GSG1L: variants seen among roughly 807,000 people sequenced by gnomAD.
GSG1L encodes germ cell-specific gene 1-like protein.
A neutral mutation model predicts 42.1 loss-of-function variants in GSG1L; 24 were observed. That is an observed-to-expected ratio of 0.57 (90% CI 0.41 to 0.80). The LOEUF (loss-of-function observed/expected upper bound fraction) is 0.80, where lower values mean the gene tolerates loss of function less well. Among genes scored for constraint, GSG1L ranks in the 30% least tolerant of loss-of-function variants. GSG1L has a pLI of 0.00. For missense variants in GSG1L, 445 were observed against 472.2 expected, an observed-to-expected ratio of 0.94 and a Z score of 0.53; for synonymous variants, 215 against 203.5, an observed-to-expected ratio of 1.06 and a Z score of -0.48.
chr16:27,984,708 C>T (rs2085361267), intron 1 of GSG1L, among the ~76,000 whole-genome samples: 1 of 151,590 alleles, frequency 6.6e-6, no homozygotes, highest in South Asian at 2.1e-4. Flanking sequence ...TACATTTGAT[C>T]CCTCTGTTTG....
chr16:27,839,343 C>A (rs965344463), intron 4 of GSG1L, among the ~76,000 whole-genome samples: 1 of 152,240 alleles, frequency 6.6e-6, no homozygotes, highest in African/African-American at 2.4e-5. Flanking sequence ...AGCTTCCACA[C>A]CACGATGTCC....
chr16:27,981,072 A>C (rs2085321410), intron 1 of GSG1L, among the ~76,000 whole-genome samples: 1 of 152,128 alleles, frequency 6.6e-6, no homozygotes, highest in African/African-American at 2.4e-5. Context: ...TTAGCAGAGC[A>C]GGCAGGTCCT....
intron 3 of GSG1L, among the ~76,000 whole-genome samples, chr16:27,861,875 C>T (rs1056930910): frequency 1.3e-5 from 2 of 152,148 alleles, no homozygotes; most frequent in African/African-American, 2.4e-5. Context: ...GGCCATATTC[C>T]CTGGGCTTCA....
At chr16:27,801,887 T>G (rs2082886860) in intron 6 of GSG1L, among the ~76,000 whole-genome samples, 1 of 152,116 alleles carries the variant, frequency 6.6e-6, no homozygotes, top group Admixed American at 6.5e-5. Flanking sequence ...GTTAAATGAG[T>G]GAATAAGTGC....
At chr16:27,792,234 C>G (rs1362308249) in intron 6 of GSG1L, among the ~76,000 whole-genome samples, 1 of 152,188 alleles carries the variant, frequency 6.6e-6, no homozygotes, top group Non-Finnish European at 1.5e-5. Context: ...GGAACAAGAG[C>G]AGATGTCTCC....
intron 1 of GSG1L, among the ~76,000 whole-genome samples, chr16:27,965,242 C>A (rs747268350): frequency 3.3e-5 from 5 of 152,032 alleles, no homozygotes; most frequent in Non-Finnish European, 7.4e-5. Context: ...TGGTCTCGAA[C>A]TCCTGACCTC....
intron 5 of GSG1L, among the ~76,000 whole-genome samples, chr16:27,809,616 G>A (rs965513457): frequency 6.6e-6 from 1 of 151,290 alleles, no homozygotes; most frequent in Non-Finnish European, 1.5e-5. Flanking sequence ...CTCTCCTAAA[G>A]CACACAGTGG....
chr16:27,986,628 G>A (rs770004786), intron 1 of GSG1L, among the ~76,000 whole-genome samples: 2 of 152,170 alleles, frequency 1.3e-5, no homozygotes, highest in Non-Finnish European at 2.9e-5. Flanking sequence ...TTACTGGTGC[G>A]GGGTTACCCA....
chr16:27,969,374 T>C (rs1181929159), intron 1 of GSG1L, among the ~76,000 whole-genome samples: 3 of 151,992 alleles, frequency 2.0e-5, no homozygotes, highest in South Asian at 4.1e-4. Flanking sequence ...TCTTACAATA[T>C]TGTATGATTC....
At chr16:27,968,733 G>C (rs2085160755) in intron 1 of GSG1L, among the ~76,000 whole-genome samples, 1 of 152,168 alleles carries the variant, frequency 6.6e-6, no homozygotes, top group African/African-American at 2.4e-5. Context: ...TAATATTTAA[G>C]ATCTATGTGC....
chr16:27,803,356 G>A (rs1033176246), intron 6 of GSG1L, among the ~76,000 whole-genome samples: 43 of 152,184 alleles, frequency 2.8e-4, no homozygotes, highest in Admixed American at 1.2e-3. Flanking sequence ...TGGCCCAGGA[G>A]AGTTGCCTTC....
rs371059530 is a variant in GSG1L at position 27,867,818 on chromosome 16, T to C, written c.550+16668A>G. ...CCACGCCCCCTGAGGCCACGCCCCC[T>C]GAGGCCAGCCACTTCCTGGCCACGC... On this transcript the variant is annotated intron_variant, in intron 3 of 6. Transcript: ENST00000447459. 3.5e-3 allele frequency among the ~76,000 whole-genome samples: 512 copies of C among 146,322 alleles called. 2 individuals are homozygous for C. In the South Asian group the frequency reaches 0.04, roughly 12 times the overall value.
chr16:28,055,797 C>T (rs1468990216), intron 1 of GSG1L, among the ~76,000 whole-genome samples: 1 of 152,050 alleles, frequency 6.6e-6, no homozygotes, highest in Non-Finnish European at 1.5e-5. Context: ...TATCTGGGGT[C>T]GAGTTTGTTT....
In GSG1L at chr16:27,916,133, G is replaced by A. The variant is rs551769796; in HGVS notation, c.398-31495C>T. ...GAGACACCCAATGAGGAAAAAAGGC[G>A]TGCTTCCTGTGGCTGAAGGTGGAAC... On this transcript the variant is annotated intron_variant, in intron 2 of 6. Coordinates refer to ENST00000447459, the MANE Select transcript of GSG1L (RefSeq NM_001109763.2). 3.1e-3 allele frequency among the ~76,000 whole-genome samples: 471 copies of A among 152,226 alleles called. 1 individual carries two copies. Among genetic ancestry groups the A allele is most frequent in the Non-Finnish European group, 4.2e-3 (285 of 68,010 alleles).
chr16:27,915,002 C>T (rs16977052), intron 2 of GSG1L, among the ~76,000 whole-genome samples: 8 of 152,010 alleles, frequency 5.3e-5, no homozygotes, highest in South Asian at 2.1e-4. Context: ...GATCACTGAA[C>T]GGCTGTGATT....
At chr16:27,813,560 C>G (rs2083058001) in intron 5 of GSG1L, among the ~76,000 whole-genome samples, 1 of 152,214 alleles carries the variant, frequency 6.6e-6, no homozygotes, top group South Asian at 2.1e-4. Flanking sequence ...AAGCTGAGCT[C>G]CAAGACTAGG....
chr16:27,893,039 T>A (rs1190203136), intron 2 of GSG1L, among the ~76,000 whole-genome samples: 1 of 152,060 alleles, frequency 6.6e-6, no homozygotes, highest in Admixed American at 6.6e-5. Flanking sequence ...CTCGCCTTAG[T>A]GATGCCGGGA....
intron 2 of GSG1L, among the ~76,000 whole-genome samples, chr16:27,951,783 G>C (rs1387029082): frequency 6.6e-6 from 1 of 152,062 alleles, no homozygotes; most frequent in Non-Finnish European, 1.5e-5. Context: ...TCAATAAAAA[G>C]CACTAAATAA....
chr16:27,922,680 T>G lies in GSG1L; in HGVS notation c.398-38042A>C, dbSNP rs190028847. Among the ~76,000 whole-genome samples the G allele has an allele frequency of 2.8e-4, 43 of 152,356 alleles. No homozygotes were observed. The East Asian group carries it at 5.8e-3, about 21-fold the overall frequency. On this transcript the variant is annotated intron_variant, in intron 2 of 6. Coordinates refer to ENST00000447459, the MANE Select transcript of GSG1L (RefSeq NM_001109763.2). ...CCCAGGGTTAGAATCCAGTGATGGATGACAGCCAATCCTACACAGCAGCCT... is the reference window on the plus strand; with the variant it reads ...CCCAGGGTTAGAATCCAGTGATGGAGGACAGCCAATCCTACACAGCAGCCT...
Sources: gnomAD v4.1 joint callset for allele counts (sites outside exome capture counted in the v4.1 genomes callset) on GRCh38, gnomAD v4.1.1 for gene constraint, MANE v1.5 for transcripts, NCBI Gene and HGNC (gene_info 2026-07-23, HGNC 2026-07-21) for gene names.